Variants in TMEM268 observed in about 807,000 individuals in gnomAD.
TMEM268 encodes transmembrane protein C9orf91.
Under a neutral mutation model 39.1 loss-of-function variants are expected in TMEM268, and 24 were observed. The ratio of observed to expected loss-of-function variants is 0.61; its 90% CI spans 0.44 to 0.86. The LOEUF is 0.86. Ranked by LOEUF, TMEM268 falls within the 40% of genes least tolerant of loss-of-function variation. The probability of loss-of-function intolerance (pLI) is 0.00; values close to 1 mark genes in which losing one functional copy is unlikely to be tolerated. For synonymous variants in TMEM268, 176 were observed against 173.5 expected (o/e 1.01, Z -0.12); for missense variants, 409 against 428.6 (o/e 0.95, Z 0.40).
At chr9:114,625,030 T>C (rs911383737) in intron 3 of TMEM268, among the ~76,000 whole-genome samples, 1 of 152,186 alleles carries the variant, frequency 6.6e-6, no homozygotes, top group Admixed American at 6.5e-5. Flanking sequence ...CCTTCAAGCA[T>C]AGTGATTTGA....
At chr9:114,612,054 C>G (rs1220756702) in intron 1 of TMEM268, among the ~76,000 whole-genome samples, 1 of 152,172 alleles carries the variant, frequency 6.6e-6, no homozygotes. Context: ...ATGGAGAGCT[C>G]GGACTCATTG....
the TMEM268 span, among the ~76,000 whole-genome samples, chr9:114,605,014 C>T: frequency 2.0e-5 from 3 of 152,188 alleles, no homozygotes; most frequent in Non-Finnish European, 4.4e-5. Flanking sequence ...GGACTGGGTA[C>T]TTGGCTTCCT....
intron 5 of TMEM268, among the ~76,000 whole-genome samples, chr9:114,631,282 C>CAAAA (rs3035421): frequency 7.3e-4 from 95 of 130,118 alleles, no homozygotes; most frequent in Admixed American, 2.4e-3. Flanking sequence ...CAGCCTGCCT[C>CAAAA]AAAAAAAAAA....
chr9:114,609,205 G>A (rs929873563), upstream of TMEM268, among the ~76,000 whole-genome samples: 3 of 152,124 alleles, frequency 2.0e-5, no homozygotes, highest in Non-Finnish European at 2.9e-5. Flanking sequence ...CAGCTACTCG[G>A]GAGGCTGAGG....
At chr9:114,610,100 C>T (rs557425872), upstream of TMEM268, among the ~76,000 whole-genome samples, 520 of 151,372 alleles carry the variant, frequency 3.4e-3, 2 homozygotes, top group South Asian at 7.5e-3. Flanking sequence ...AGTGCAATGG[C>T]GCAATCTCGG....
upstream of TMEM268, among the ~76,000 whole-genome samples, chr9:114,609,022 T>C (rs1845402532): frequency 6.6e-6 from 1 of 152,074 alleles, no homozygotes; most frequent in African/African-American, 2.4e-5. Flanking sequence ...AAAAAATGCA[T>C]GCATAGGCCA....
Position 114,624,369 on chromosome 9 carries a change from C to A in TMEM268, c.126C>A (p.Val42=). ...TTCCAGAGCTCCACAATGGCCAGGT[C>A]CTCACTGTTCTCCGGATTGACAATA... ...GWGQELHNGQ[V]LTVLRIDNTC... is the part of the protein sequence containing the mutation. The change falls in exon 3 of 9, where the codon GTC becomes GTA. Residue 42 remains valine (V), a synonymous_variant. Transcript: ENST00000288502. 1 of 1,602,890 alleles carries A rather than the reference C, an allele frequency of 6.2e-7. No individual in the cohort carries two copies. Among genetic ancestry groups the A allele is most frequent in the Non-Finnish European group, 8.5e-7 (1 of 1,174,140 alleles).
At chr9:114,641,167 C>T (rs10982348) in intron 8 of TMEM268, among the ~76,000 whole-genome samples, 6 of 152,094 alleles carry the variant, frequency 3.9e-5, no homozygotes, top group East Asian at 3.9e-4. Context: ...TGAGCCACCG[C>T]GCCCGGCCTC....
intron 8 of TMEM268, among the ~76,000 whole-genome samples, chr9:114,641,622 C>A (rs972680721): frequency 1.3e-4 from 19 of 151,902 alleles, no homozygotes; most frequent in African/African-American, 4.3e-4. Flanking sequence ...CCAGCCTGAG[C>A]AACATAGTAA....
intron 8 of TMEM268, 76 bp downstream of exon 8, chr9:114,638,802 C>T: frequency 8.8e-7 from 1 of 1,138,486 alleles, no homozygotes; most frequent in African/African-American, 1.6e-5. Context: ...GTGGGGGCTT[C>T]TTAGATTCCC....
chr9:114,628,049 T>G (rs763360235), intron 4 of TMEM268, 52 bp from the exon 5 acceptor site: 2 of 1,602,332 alleles, frequency 1.2e-6, no homozygotes, highest in Admixed American at 3.3e-5. Flanking sequence ...ATGGAGCTGC[T>G]TTATGCAAGG....
chr9:114,624,041 A>T, intron 2 of TMEM268: 1 of 247,088 alleles, frequency 4.0e-6, no homozygotes. Flanking sequence ...GTTGGGGAAC[A>T]TTTTTTTGTG....
At position 114,646,379 on chromosome 9, in the gene TMEM268, A is replaced by T. The variant is rs1243159840; in HGVS notation, c.*3066A>T. The T allele has an allele frequency of 6.6e-6, 1 of 152,330 alleles. No homozygotes were observed. The highest frequency in any genetic ancestry group is 2.4e-5 in the African/African-American group (1 of 41,466). 9.4% of individuals were successfully genotyped at this position (152,330 alleles called of 1,614,324 possible). A position where few individuals can be genotyped will look rare whatever the true frequency, so the allele number is the denominator to read the frequency against. On this transcript the variant is annotated 3_prime_UTR_variant, in exon 9 of 9. Coordinates refer to ENST00000288502, the MANE Select transcript of TMEM268 (RefSeq NM_153045.4). ...AAATGTCAAGTGCTTGCAACTTTGA[A>T]TACCAAACTTGAGTGAAAGCTCAAT...
In TMEM268 at chr9:114,624,466, G is replaced by A; in HGVS notation, c.216+7G>A. ...GCAAACTTGGGGCATCCAGGTGAGT[G>A]CTGATTTCCTTGAATCCCTACCATT... is the stretch of plus-strand genomic sequence containing the variant. On this transcript the variant is annotated splice_region_variant and intron_variant, in intron 3 of 8. Transcript: ENST00000288502. 1 of 1,563,650 alleles carries A rather than the reference G, an allele frequency of 6.4e-7. No homozygotes were observed. Among genetic ancestry groups the A allele is most frequent in the Non-Finnish European group, 8.7e-7 (1 of 1,152,390 alleles).
intron 5 of TMEM268, among the ~76,000 whole-genome samples, chr9:114,629,234 C>T (rs1216708329): frequency 1.3e-5 from 2 of 152,244 alleles, no homozygotes; most frequent in African/African-American, 4.8e-5. Flanking sequence ...TCTTCCAGTT[C>T]TGTAGGTTAG....
At chr9:114,618,914 T>G (rs972884873) in intron 2 of TMEM268, among the ~76,000 whole-genome samples, 1 of 152,216 alleles carries the variant, frequency 6.6e-6, no homozygotes, top group Admixed American at 6.5e-5. Flanking sequence ...CTATAGTACC[T>G]AGCACAGACC....
chr9:114,638,776 C>A, intron 8 of TMEM268, 50 bp downstream of exon 8: 1 of 1,428,020 alleles, frequency 7.0e-7, no homozygotes, highest in East Asian at 2.6e-5. Context: ...GGGGAATTTG[C>A]ATAGAGAAAG....
At chr9:114,605,783 T>C in the TMEM268 span, among the ~76,000 whole-genome samples, 3 of 151,514 alleles carry the variant, frequency 2.0e-5, no homozygotes, top group Non-Finnish European at 4.4e-5. Context: ...AAAAAATTAG[T>C]TGGATATGGT....
upstream of TMEM268, among the ~76,000 whole-genome samples, chr9:114,610,654 C>T (rs1014720365): frequency 6.6e-6 from 1 of 152,078 alleles, no homozygotes; most frequent in Non-Finnish European, 1.5e-5. Flanking sequence ...CGAAGGATGG[C>T]GATGGGAGTG....
Sources: gnomAD v4.1 joint callset for allele counts (sites outside exome capture counted in the v4.1 genomes callset) on GRCh38, gnomAD v4.1.1 for gene constraint, MANE v1.5 for transcripts, NCBI Gene and HGNC (gene_info 2026-07-23, HGNC 2026-07-21) for gene names.